Variants in PRKCZ observed in about 807,000 individuals in gnomAD.
The protein encoded by PRKCZ is protein kinase C zeta, also known as protein kinase C zeta type.
In PRKCZ, 33 loss-of-function variants were observed where a neutral mutation model predicts 79.5. That is an observed-to-expected ratio of 0.41 (90% confidence interval 0.31 to 0.55). The LOEUF (loss-of-function observed/expected upper bound fraction) is 0.55. Ranked by LOEUF, PRKCZ falls within the 20% of genes least tolerant of loss-of-function variation. The pLI, the probability that PRKCZ is intolerant of heterozygous loss-of-function variation, is 0.19. For missense variants in PRKCZ, 578 were observed against 813.5 expected, an observed-to-expected ratio of 0.71 and a Z score of 3.52; for synonymous variants, 342 against 320.9, an observed-to-expected ratio of 1.07 and a Z score of -0.70.
intron 4 of PRKCZ, among the ~76,000 whole-genome samples, chr1:2,069,418 T>G (rs1401514651): frequency 6.6e-6 from 1 of 152,186 alleles, no homozygotes; most frequent in Non-Finnish European, 1.5e-5. Context: ...TTCCTGGGGC[T>G]CCACCAACCA....
chr1:2,083,203 G>A (rs1049217088), intron 4 of PRKCZ, among the ~76,000 whole-genome samples: 8 of 152,066 alleles, frequency 5.3e-5, no homozygotes, highest in African/African-American at 1.2e-4. Flanking sequence ...AGGAGGGGTC[G>A]CTTCGAGGGG....
rs1435963612 is a variant in PRKCZ, at chr1:2,144,042, C to T, written c.421-168C>T. On this transcript the variant is annotated intron_variant, in intron 5 of 17. Coordinates refer to ENST00000378567, the MANE Select transcript of PRKCZ (RefSeq NM_002744.6). Reference sequence around the variant, plus strand: ...ACCTTGGGATAGACCCAAGAGGAGGCTCTCAAGCTTGGGCAAGCCTGGCGC... The same window carrying T: ...ACCTTGGGATAGACCCAAGAGGAGGTTCTCAAGCTTGGGCAAGCCTGGCGC... The T allele has an allele frequency of 1.6e-5, 15 of 919,530 alleles. No individual in the cohort carries two copies. The East Asian group carries it at 4.2e-4, about 25-fold the overall frequency. The allele number at this position is 919,530 out of a possible 1,614,324, so 57.0% of individuals were successfully genotyped here.
At chr1:2,132,961 G>C (rs1675294936) in intron 4 of PRKCZ, among the ~76,000 whole-genome samples, 1 of 152,206 alleles carries the variant, frequency 6.6e-6, no homozygotes, top group African/African-American at 2.4e-5. Flanking sequence ...GGGGGTTAGG[G>C]CTCCCCACGT....
chr1:2,179,600 G>T (rs946298178), intron 16 of PRKCZ, among the ~76,000 whole-genome samples: 2 of 152,372 alleles, frequency 1.3e-5, no homozygotes, highest in African/African-American at 4.8e-5. Context: ...ATGGCCGGGC[G>T]GTGCTGCGCT....
At chr1:2,080,623 T>C (rs897056152) in intron 4 of PRKCZ, among the ~76,000 whole-genome samples, 1 of 152,152 alleles carries the variant, frequency 6.6e-6, no homozygotes, top group African/African-American at 2.4e-5. Flanking sequence ...AAGCATTCCC[T>C]CCCTGCTCCC....
chr1:2,121,655 G>A (rs1157865300), intron 4 of PRKCZ, among the ~76,000 whole-genome samples: 3 of 71,814 alleles, frequency 4.2e-5, no homozygotes, highest in African/African-American at 2.0e-4. Flanking sequence ...GGGTCACGGT[G>A]GTGGTTAGGG....
At position 2,115,164 on chromosome 1, in the gene PRKCZ, G is replaced by A. The variant is rs1004220983; in HGVS notation, c.335-20098G>A. The stretch of plus-strand genomic sequence containing the variant: ...GGGGCCATCCACCCTGGGTGTGGCC[G>A]CTCAGTCGGGCCCCTGTGTGGGGCT... On this transcript the variant is annotated intron_variant, in intron 4 of 17. Coordinates refer to ENST00000378567, the MANE Select transcript of PRKCZ (RefSeq NM_002744.6). 4.6e-5 allele frequency among the ~76,000 whole-genome samples: 7 copies of A among 152,378 alleles called. 1 individual carries two copies. The highest frequency in any genetic ancestry group is 8.8e-5 in the Non-Finnish European group (6 of 68,034).
chr1:2,061,239 G>A (rs921293576), intron 4 of PRKCZ, among the ~76,000 whole-genome samples: 10 of 152,192 alleles, frequency 6.6e-5, no homozygotes, highest in African/African-American at 1.9e-4. Context: ...GAAGCCCACC[G>A]TATTTCTCCG....
chr1:2,050,580 A>G lies in PRKCZ; in HGVS notation c.-51A>G, dbSNP rs915724521. On this transcript the variant is annotated 5_prime_UTR_variant, in exon 1 of 18. The change abolishes an upstream ATG in the 5' untranslated region. Coordinates refer to ENST00000378567, the MANE Select transcript of PRKCZ (RefSeq NM_002744.6). ...CCACCTGGAGCCCCCGCCCCGCGCC[A>G]TGGCCGGAGCTCCCGGGGCGCAGCG... 3.8e-5 allele frequency: 44 copies of G among 1,149,612 alleles called. No homozygotes were observed. Among genetic ancestry groups the G allele is most frequent in the African/African-American group, 4.8e-5 (3 of 62,264 alleles). 71.2% of individuals were successfully genotyped at this position (1,149,612 alleles called of 1,614,324 possible).
chr1:2,064,679 G>T (rs754613150), intron 4 of PRKCZ, among the ~76,000 whole-genome samples: 2 of 152,162 alleles, frequency 1.3e-5, no homozygotes, highest in African/African-American at 2.4e-5. Flanking sequence ...ATATGGGAGG[G>T]TTCATTTGTG....
intron 10 of PRKCZ, among the ~76,000 whole-genome samples, chr1:2,159,317 C>A (rs1177513995): frequency 6.6e-6 from 1 of 152,266 alleles, no homozygotes; most frequent in Non-Finnish European, 1.5e-5. Flanking sequence ...GGCTGTGCCG[C>A]CTCTGCTCCC....
At chr1:2,092,565 G>GA (rs1665706687) in intron 4 of PRKCZ, among the ~76,000 whole-genome samples, 1 of 152,254 alleles carries the variant, frequency 6.6e-6, no homozygotes, top group Non-Finnish European at 1.5e-5. Flanking sequence ...GAGCAGTGGG[G>GA]CCAGGTGGAC....
intron 9 of PRKCZ, among the ~76,000 whole-genome samples, chr1:2,153,671 C>T (rs1486192842): frequency 6.6e-6 from 1 of 152,218 alleles, no homozygotes; most frequent in Non-Finnish European, 1.5e-5. Flanking sequence ...CTTTGCAGCA[C>T]GTCCCGGTCA....
intron 1 of PRKCZ, among the ~76,000 whole-genome samples, chr1:2,054,644 G>A (rs1314504953): frequency 6.6e-6 from 1 of 152,030 alleles, no homozygotes; most frequent in Non-Finnish European, 1.5e-5. Flanking sequence ...GGGGTCTAAA[G>A]AGTGGCCTTT....
At chr1:2,139,328 G>A (rs1464540071) in intron 5 of PRKCZ, among the ~76,000 whole-genome samples, 7 of 152,132 alleles carry the variant, frequency 4.6e-5, no homozygotes, top group Non-Finnish European at 1.0e-4. Flanking sequence ...GGTGGCTCAC[G>A]CCTGTAATTC....
Position 2,074,373 on chromosome 1 carries a change from G to A in PRKCZ, c.334+14782G>A, listed in dbSNP as rs1342641368. The A allele has an allele frequency of 2.0e-6, 3 of 1,491,386 alleles. No individual in the cohort carries two copies. In the African/African-American group the frequency reaches 4.2e-5, roughly 21 times the overall value. 92.4% of individuals were successfully genotyped at this position (1,491,386 alleles called of 1,614,324 possible). On this transcript the variant is annotated intron_variant, in intron 4 of 17. Coordinates refer to ENST00000378567, the MANE Select transcript of PRKCZ (RefSeq NM_002744.6). ...CGTCTTGGGCTCGTCTGCCTGCCTGGCCCCAGGGAGTTGCTGGCTGTTGGG... is the reference window on the plus strand; with the variant it reads ...CGTCTTGGGCTCGTCTGCCTGCCTGACCCCAGGGAGTTGCTGGCTGTTGGG...
In PRKCZ at chr1:2,169,504, C is replaced by G; in HGVS notation, c.975-14C>G. On this transcript the variant is annotated splice_polypyrimidine_tract_variant and intron_variant, in intron 10 of 17. Transcript: ENST00000378567. ...CCGAGGTGACTGCAGCCTCCGGCGC[C>G]TCTCTCCCTGCAGGTTGTTCCTGGT... The G allele has an allele frequency of 1.3e-6, 2 of 1,548,878 alleles. No individual in the cohort carries two copies.
chr1:2,059,213 A>G (rs914499812), intron 3 of PRKCZ, among the ~76,000 whole-genome samples: 2 of 152,252 alleles, frequency 1.3e-5, no homozygotes, highest in African/African-American at 2.4e-5. Context: ...AAGTGCTTTT[A>G]AAAGTCAGTG....
Position 2,169,295 on chromosome 1 carries a change from G to GC in PRKCZ, c.975-218dup, listed in dbSNP as rs1160995649. 11 of 587,212 alleles carry GC rather than the reference G, an allele frequency of 1.9e-5. No homozygotes were observed. In the East Asian group the frequency reaches 4.0e-4, roughly 21 times the overall value. 36.4% of individuals were successfully genotyped at this position (587,212 alleles called of 1,614,324 possible). Reference sequence around the variant, plus strand: ...GTGGCCAAGAGTGAAGGCCGGCGAGGCCCCCGCATGACTCCCTCACCTGCA... The same window carrying GC: ...GTGGCCAAGAGTGAAGGCCGGCGAGGCCCCCCGCATGACTCCCTCACCTGCA... On this transcript the variant is annotated intron_variant, in intron 10 of 17. Coordinates refer to ENST00000378567, the MANE Select transcript of PRKCZ (RefSeq NM_002744.6).
Sources: gnomAD v4.1 joint callset for allele counts (sites outside exome capture counted in the v4.1 genomes callset) on GRCh38, gnomAD v4.1.1 for gene constraint, MANE v1.5 for transcripts, NCBI Gene and HGNC (gene_info 2026-07-23, HGNC 2026-07-21) for gene names.